CCNY: variants seen among roughly 807,000 people sequenced by gnomAD.
CCNY encodes the protein cyclin-Y.
CCNY carries 19 observed loss-of-function variants against 42.8 expected under a neutral mutation model. That is an observed-to-expected ratio of 0.44 (90% CI 0.31 to 0.65). The LOEUF is 0.65. Among genes scored for constraint, CCNY ranks in the 30% least tolerant of loss-of-function variants. CCNY has a pLI of 0.07. For missense variants in CCNY, 370 were observed against 437.3 expected (o/e 0.85, Z 1.37); for synonymous variants, 165 against 162.7 (o/e 1.01, Z -0.11).
intron 1 of CCNY, among the ~76,000 whole-genome samples, chr10:35,451,400 G>T (rs916369415): frequency 6.6e-6 from 1 of 152,190 alleles, no homozygotes; most frequent in African/African-American, 2.4e-5. Flanking sequence ...GTTACCAAGT[G>T]CCTCTGACCA....
chr10:35,519,776 C>CTTTTTTTTTTTTT lies in CCNY; in HGVS notation c.365+3166_365+3178dup. ...AAGTATCTTCTTTTTCTTTTCTTTT[C>CTTTTTTTTTTTTT]TTTTTTTTTTTTTTTTTTTTTTTTT... On this transcript the variant is annotated intron_variant, in intron 4 of 9. Transcript: ENST00000374704. Among the ~76,000 whole-genome samples the CTTTTTTTTTTTTT allele has an allele frequency of 6.0e-3, 451 of 74,664 alleles. 21 individuals are homozygous for CTTTTTTTTTTTTT. Among genetic ancestry groups the CTTTTTTTTTTTTT allele is most frequent in the Middle Eastern group, 0.015 (1 of 66 alleles). 49.0% of individuals were successfully genotyped at this position (74,664 alleles called of 152,430 possible).
At chr10:35,505,500 T>C (rs775721431) in intron 3 of CCNY, among the ~76,000 whole-genome samples, 8 of 152,244 alleles carry the variant, frequency 5.3e-5, no homozygotes, top group Non-Finnish European at 1.2e-4. Flanking sequence ...GAGTTACTTA[T>C]CAGCTAAGCA....
At chr10:35,439,165 T>C (rs1179478566) in intron 1 of CCNY, among the ~76,000 whole-genome samples, 1 of 152,242 alleles carries the variant, frequency 6.6e-6, no homozygotes, top group Non-Finnish European at 1.5e-5. Flanking sequence ...TGGGAACTTT[T>C]CAGCTGTTAT....
intron 1 of CCNY, among the ~76,000 whole-genome samples, chr10:35,462,262 G>C (rs927918512): frequency 1.3e-5 from 2 of 152,202 alleles, no homozygotes; most frequent in Non-Finnish European, 2.9e-5. Context: ...GGTGGAGCTC[G>C]TTTTGATGCC....
At chr10:35,516,251 G>A (rs955864653) in intron 3 of CCNY, among the ~76,000 whole-genome samples, 7 of 152,212 alleles carry the variant, frequency 4.6e-5, no homozygotes, top group African/African-American at 1.7e-4. Context: ...TCTGAAACAT[G>A]CTTTTTGATG....
chr10:35,358,350 C>T (rs1175083128), intron 1 of CCNY, among the ~76,000 whole-genome samples: 1 of 151,938 alleles, frequency 6.6e-6, no homozygotes, highest in Non-Finnish European at 1.5e-5. Context: ...TGAATACTGC[C>T]AGTGCATAAA....
At chr10:35,419,406 C>T (rs1010406809) in intron 1 of CCNY, among the ~76,000 whole-genome samples, 20 of 151,956 alleles carry the variant, frequency 1.3e-4, no homozygotes, top group Middle Eastern at 6.8e-3. Flanking sequence ...AGGTTGGATC[C>T]GAGGTAGAAA....
At chr10:35,497,858 A>ATAAT (rs1840032765) in intron 2 of CCNY, among the ~76,000 whole-genome samples, 3 of 152,268 alleles carry the variant, frequency 2.0e-5, no homozygotes, top group Admixed American at 2.0e-4. Context: ...CAGACAGCTC[A>ATAAT]TGAATTGGTG....
rs1837962630 is a variant in CCNY, at chr10:35,413,712, A to G, written c.155-69692A>G. On this transcript the variant is annotated intron_variant, in intron 1 of 9. Transcript: ENST00000374704. ...TGGAGGAGAGCGTTCAGCAGGAGAG[A>G]GTGGCCGTCACTAACTGCAGGGCAG... Among the ~76,000 whole-genome samples the G allele has an allele frequency of 2.0e-5, 3 of 152,170 alleles. No individual in the cohort carries two copies. The South Asian group carries it at 6.2e-4, about 32-fold the overall frequency.
At chr10:35,542,698 C>T (rs1841029053) in intron 7 of CCNY, among the ~76,000 whole-genome samples, 1 of 152,224 alleles carries the variant, frequency 6.6e-6, no homozygotes, top group South Asian at 2.1e-4. Flanking sequence ...CTCCAAATCC[C>T]TTCTCAGAGT....
intron 1 of CCNY, among the ~76,000 whole-genome samples, chr10:35,449,424 T>C (rs1193963611): frequency 6.6e-6 from 1 of 150,998 alleles, no homozygotes; most frequent in Non-Finnish European, 1.5e-5. Flanking sequence ...AGCTGGAGAG[T>C]TGGGGGTGGG....
chr10:35,351,811 G>T (rs1275935319), intron 1 of CCNY, among the ~76,000 whole-genome samples: 1 of 152,196 alleles, frequency 6.6e-6, no homozygotes. Context: ...TATGTAGGGA[G>T]AGTATTTATA....
At chr10:35,465,938 A>AGAGAGAGAGTGTGTGTGTGT in intron 1 of CCNY, among the ~76,000 whole-genome samples, 4 of 80,960 alleles carry the variant, frequency 4.9e-5, no homozygotes, top group African/African-American at 1.3e-4. Flanking sequence ...AGAGAGAGAG[A>AGAGAGAGAGTGTGTGTGTGT]GTGTGTGTGT....
chr10:35,352,996 G>A (rs1015545409), intron 1 of CCNY, among the ~76,000 whole-genome samples: 36 of 152,162 alleles, frequency 2.4e-4, no homozygotes, highest in African/African-American at 8.2e-4. Flanking sequence ...TGAGATCATA[G>A]CTCACTGCAG....
At chr10:35,335,067 C>A (rs1355514409), upstream of CCNY, among the ~76,000 whole-genome samples, 7 of 134,832 alleles carry the variant, frequency 5.2e-5, no homozygotes, top group Admixed American at 5.1e-4. Flanking sequence ...CCCACCCCCA[C>A]CCCCCCACCC....
At chr10:35,342,621 T>C (rs1233614574) in intron 1 of CCNY, among the ~76,000 whole-genome samples, 2 of 152,078 alleles carry the variant, frequency 1.3e-5, no homozygotes, top group African/African-American at 4.8e-5. Context: ...GCCCAGGTCA[T>C]GCAGATCATG....
intron 1 of CCNY, among the ~76,000 whole-genome samples, chr10:35,479,141 C>CT (rs1403894395): frequency 2.7e-5 from 4 of 150,776 alleles, no homozygotes; most frequent in Non-Finnish European, 5.9e-5. Flanking sequence ...AATAGGAACA[C>CT]TTTTACACTG....
At chr10:35,322,588 A>T (rs1427610411) in intron 3 of CCNY, among the ~76,000 whole-genome samples, 1 of 152,210 alleles carries the variant, frequency 6.6e-6, no homozygotes, top group Non-Finnish European at 1.5e-5. Context: ...ACTGGGAGAA[A>T]ATAGTCACAC....
chr10:35,561,341 T>C (rs1165342733), intron 8 of CCNY, among the ~76,000 whole-genome samples: 1 of 152,250 alleles, frequency 6.6e-6, no homozygotes, highest in East Asian at 1.9e-4. Flanking sequence ...GCTGCATTTT[T>C]CTATAATCCC....
Sources: allele counts gnomAD v4.1 joint callset (sites outside exome capture counted in the v4.1 genomes callset), GRCh38; gene constraint gnomAD v4.1.1; transcripts MANE v1.5; gene names NCBI Gene and HGNC (gene_info 2026-07-23, HGNC 2026-07-21).